CABP1: variants seen among roughly 807,000 people sequenced by gnomAD.
CABP1 encodes the protein calcium binding protein 1, also known as calcium-binding protein 1.
A neutral mutation model predicts 34.3 loss-of-function variants in CABP1; 17 were observed. The ratio of observed to expected loss-of-function variants is 0.50; its 90% CI spans 0.34 to 0.74. The LOEUF (loss-of-function observed/expected upper bound fraction) is 0.74, where lower values mean the gene tolerates loss of function less well. CABP1 is among the 30% of genes least tolerant of loss of function. The probability of loss-of-function intolerance (pLI) is 0.01; values close to 1 mark genes in which losing one functional copy is unlikely to be tolerated. For synonymous variants in CABP1, 198 were observed against 229.2 expected (o/e 0.86, Z 1.23); for missense variants, 373 against 511.1 (o/e 0.73, Z 2.61).
intron 1 of CABP1, chr12:120,656,262 A>C (rs759431674): frequency 6.4e-7 from 1 of 1,557,110 alleles, no homozygotes; most frequent in Non-Finnish European, 8.7e-7. Context: ...TTCGCTGAGA[A>C]CAGGCAGCCT....
intron 1 of CABP1, among the ~76,000 whole-genome samples, chr12:120,648,492 A>G (rs1352022121): frequency 6.6e-6 from 1 of 152,136 alleles, no homozygotes; most frequent in Non-Finnish European, 1.5e-5. Context: ...GGTGTCTTAC[A>G]CTTTCTCATG....
chr12:120,673,581 C>T, the CABP1 span, among the ~76,000 whole-genome samples: 7 of 151,754 alleles, frequency 4.6e-5, no homozygotes, highest in Non-Finnish European at 1.0e-4. Flanking sequence ...GGGCGAGACT[C>T]CATCTCAAAA....
chr12:120,652,090 G>C (rs1375490224), intron 1 of CABP1, among the ~76,000 whole-genome samples: 2 of 152,168 alleles, frequency 1.3e-5, no homozygotes, highest in African/African-American at 2.4e-5. Context: ...TCTGTTCCTC[G>C]ATTCCCTTGT....
At chr12:120,674,735 A>G in the CABP1 span, among the ~76,000 whole-genome samples, 1 of 152,108 alleles carries the variant, frequency 6.6e-6, no homozygotes, top group Admixed American at 6.5e-5. Flanking sequence ...TAAAAATACA[A>G]CAAAAATTAG....
chr12:120,641,162 G>A lies in CABP1; in HGVS notation c.477G>A (p.Ser159=). The change falls in exon 1 of 6, where the codon TCG becomes TCA. Residue 159 remains serine, a synonymous_variant. Coordinates refer to ENST00000316803, the MANE Select transcript of CABP1 (RefSeq NM_001033677.2). The surrounding 1 kb of genome is among the most constrained non-coding windows in gnomAD (Gnocchi z 6.7). ...LPAAASRPSP[S]SPLPPARGRD... Reference sequence around the variant, plus strand: ...CCGCGGCGTCCCGACCTTCGCCGTCGTCGCCGCTGCCGCCGGCCCGCGGGC... The same window carrying A: ...CCGCGGCGTCCCGACCTTCGCCGTCATCGCCGCTGCCGCCGGCCCGCGGGC... The A allele has an allele frequency of 4.9e-6, 6 of 1,236,806 alleles. No individual in the cohort carries two copies. The highest frequency in any genetic ancestry group is 1.6e-5 in the African/African-American group (1 of 64,014). The allele number at this position is 1,236,806 out of a possible 1,614,324, so 76.6% of individuals were successfully genotyped here. A position where few individuals can be genotyped will look rare whatever the true frequency, so the allele number is the denominator to read the frequency against.
At chr12:120,656,542 T>G (rs1016576618) in intron 1 of CABP1, among the ~76,000 whole-genome samples, 1 of 152,190 alleles carries the variant, frequency 6.6e-6, no homozygotes, top group African/African-American at 2.4e-5. Context: ...ATTGCCTCAT[T>G]TAAGCCTCAG....
In CABP1 at chr12:120,641,648, G is replaced by A. The variant is rs112373576; in HGVS notation, c.654+309G>A. The A allele has an allele frequency of 5.0e-4, 139 of 276,250 alleles. No individual in the cohort carries two copies. The highest frequency in any genetic ancestry group is 1.0e-3 in the Middle Eastern group (1 of 978). 17.1% of individuals were successfully genotyped at this position (276,250 alleles called of 1,614,324 possible). A position where few individuals can be genotyped will look rare whatever the true frequency, so the allele number is the denominator to read the frequency against. On this transcript the variant is annotated intron_variant, in intron 1 of 5. Transcript: ENST00000316803. This position sits in a 1 kb window ranked among gnomAD's most constrained non-coding sequence, Gnocchi z 6.7. The stretch of plus-strand genomic sequence containing the variant: ...TCTACGACCGTCCTGGAGATTTGCG[G>A]GGGTCAAGGAGGGGCGCTCCGAGCA...
intron 1 of CABP1, chr12:120,650,489 G>C (rs191452654): frequency 5.9e-6 from 9 of 1,517,884 alleles, no homozygotes; most frequent in Non-Finnish European, 7.9e-6. Flanking sequence ...GAGCACGCGC[G>C]CAAGAGAGGG....
In CABP1 at chr12:120,641,502, C is replaced by T; in HGVS notation, c.654+163C>T. 1 of 696,198 alleles carries T rather than the reference C, an allele frequency of 1.4e-6. No homozygotes were observed. Among genetic ancestry groups the T allele is most frequent in the Non-Finnish European group, 2.0e-6 (1 of 499,594 alleles). The allele number at this position is 696,198 out of a possible 1,614,324, so 43.1% of individuals were successfully genotyped here. A position where few individuals can be genotyped will look rare whatever the true frequency, so the allele number is the denominator to read the frequency against. On this transcript the variant is annotated intron_variant, in intron 1 of 5. Coordinates refer to ENST00000316803, the MANE Select transcript of CABP1 (RefSeq NM_001033677.2). This position sits in a 1 kb window ranked among gnomAD's most constrained non-coding sequence, Gnocchi z 6.7. ...GCCGGCGCCCTTGCCGGCACTCCTC[C>T]TCCCCGTGCCTGATTCAGCACCCCG...
intron 1 of CABP1, among the ~76,000 whole-genome samples, chr12:120,651,184 AAC>A (rs398056000): frequency 1.0e-4 from 1 of 9,808 alleles, no homozygotes; most frequent in Non-Finnish European, 1.7e-4. Flanking sequence ...GGAACCAAAC[AAC>A]AATAATTCTT....
Position 120,661,214 on chromosome 12 carries a change from T to C in CABP1, c.1083T>C (p.Phe361=). Residue 361 remains phenylalanine (F), a synonymous_variant, in exon 5 of 6, where the codon TTT becomes TTC. Coordinates refer to ENST00000316803, the MANE Select transcript of CABP1 (RefSeq NM_001033677.2). The surrounding 1 kb of genome is among the most constrained non-coding windows in gnomAD (Gnocchi z 5.1). ...TCAATGGGGATGGACGAGTGGACTT[T>C]GAAGGTAGGTGGGGCTTGAAAGTGG... is the stretch of plus-strand genomic sequence containing the variant. ...VDLNGDGRVD[F]EEFVRMMSR 7.5e-6 allele frequency: 12 copies of C among 1,606,072 alleles called. No homozygotes were observed. Among genetic ancestry groups the C allele is most frequent in the Non-Finnish European group, 9.3e-6 (11 of 1,179,384 alleles).
At chr12:120,656,559 T>A (rs1187137180) in intron 1 of CABP1, among the ~76,000 whole-genome samples, 10 of 152,144 alleles carry the variant, frequency 6.6e-5, no homozygotes, top group Admixed American at 5.9e-4. Context: ...TCAGAGCAGC[T>A]CTAAGAGGTA....
At chr12:120,657,344 T>C (rs1880294001) in intron 1 of CABP1, among the ~76,000 whole-genome samples, 1 of 152,200 alleles carries the variant, frequency 6.6e-6, no homozygotes, top group Admixed American at 6.5e-5. Flanking sequence ...CTAAACACTT[T>C]AATATCTTGT....
chr12:120,650,199 C>T (rs1879755962), intron 1 of CABP1: 1 of 164,930 alleles, frequency 6.1e-6, no homozygotes, highest in Non-Finnish European at 1.3e-5. Flanking sequence ...GGCCATCTCC[C>T]TGCAGATTTG....
chr12:120,675,896 C>T, the CABP1 span, among the ~76,000 whole-genome samples: 4 of 152,022 alleles, frequency 2.6e-5, no homozygotes, highest in Non-Finnish European at 4.4e-5. Context: ...GCCAAAATGA[C>T]GAAACCCCAT....
At position 120,641,703 on chromosome 12, in the gene CABP1, TG is replaced by T. The variant is rs1879338349; in HGVS notation, c.654+366del. ...GCGCCAAACCCACTCCTCTGGCCTCTGGCCAGTACCGCCAGGGAGGGACTCA... is the reference window on the plus strand; with the variant it reads ...GCGCCAAACCCACTCCTCTGGCCTCTGCCAGTACCGCCAGGGAGGGACTCA... On this transcript the variant is annotated intron_variant, in intron 1 of 5. Transcript: ENST00000316803. The surrounding 1 kb of genome is among the most constrained non-coding windows in gnomAD (Gnocchi z 6.7). The T allele has an allele frequency of 5.1e-6, 1 of 195,968 alleles. No individual in the cohort carries two copies. Among genetic ancestry groups the T allele is most frequent in the South Asian group, 1.9e-4 (1 of 5,238 alleles). The allele number at this position is 195,968 out of a possible 1,614,324, so 12.1% of individuals were successfully genotyped here. A position where few individuals can be genotyped will look rare whatever the true frequency, so the allele number is the denominator to read the frequency against.
intron 1 of CABP1, chr12:120,656,262 A>G (rs759431674): frequency 6.4e-7 from 1 of 1,557,228 alleles, no homozygotes; most frequent in Non-Finnish European, 8.7e-7. Context: ...TTCGCTGAGA[A>G]CAGGCAGCCT....
At chr12:120,665,454 G>T (rs575857870) in intron 5 of CABP1, among the ~76,000 whole-genome samples, 1 of 151,808 alleles carries the variant, frequency 6.6e-6, no homozygotes, top group South Asian at 2.1e-4. Context: ...AAAAATAAAC[G>T]ATTCTGTATG....
At position 120,666,876 on chromosome 12, in the gene CABP1, G is replaced by A. The variant is rs897514446; in HGVS notation, c.1089G>A (p.Glu363=). ...LNGDGRVDFE[E]FVRMMSR The stretch of plus-strand genomic sequence containing the variant: ...CCAGCTGCTCCTCTACCCTTCTAGA[G>A]TTTGTCCGGATGATGTCCCGCTGAG... Residue 363 remains glutamate (E), a splice_region_variant and synonymous_variant, in exon 6 of 6, where the codon GAG becomes GAA. Coordinates refer to ENST00000316803, the MANE Select transcript of CABP1 (RefSeq NM_001033677.2). The A allele has an allele frequency of 6.2e-7, 1 of 1,606,592 alleles. No homozygotes were observed. The highest frequency in any genetic ancestry group is 1.1e-5 in the South Asian group (1 of 90,122).
Sources: gnomAD v4.1 joint callset for allele counts (sites outside exome capture counted in the v4.1 genomes callset) on GRCh38, gnomAD v4.1.1 for gene constraint, Gnocchi (gnomAD v3.1) non-coding constraint, MANE v1.5 for transcripts, NCBI Gene and HGNC (gene_info 2026-07-23, HGNC 2026-07-21) for gene names.